Variants in P3H2 observed in about 807,000 individuals in gnomAD.
P3H2 encodes the protein leprecan-like 1.
Under a neutral mutation model 87.0 loss-of-function variants are expected in P3H2, and 80 were observed. That is an observed-to-expected ratio of 0.92 (90% CI 0.77 to 1.11). The LOEUF is 1.11. Among genes scored for constraint, P3H2 ranks in the 50% least tolerant of loss-of-function variants. P3H2 has a pLI of 0.00. For synonymous variants in P3H2, 367 were observed against 359.3 expected (o/e 1.02, Z -0.24); for missense variants, 1,001 against 923.9 (o/e 1.08, Z -1.08).
chr3:190,004,580 C>T (rs974938581), intron 1 of P3H2, among the ~76,000 whole-genome samples: 10 of 151,990 alleles, frequency 6.6e-5, no homozygotes, highest in Non-Finnish European at 1.5e-4. Context: ...GACGGGGTTT[C>T]ACCGTCTTAG....
chr3:190,058,282 C>T (rs1017095254), intron 1 of P3H2, among the ~76,000 whole-genome samples: 7 of 152,146 alleles, frequency 4.6e-5, no homozygotes, highest in East Asian at 1.9e-4. Context: ...TACCCTCTCT[C>T]GTGTAAGTAG....
chr3:189,985,350 T>C (rs896379682), intron 6 of P3H2, among the ~76,000 whole-genome samples: 1 of 151,596 alleles, frequency 6.6e-6, no homozygotes, highest in African/African-American at 2.4e-5. Context: ...CAAGTTAAAA[T>C]GATGTATTAT....
chr3:190,119,516 AGGCAAGTTAGGCATACAAAAAT>A (rs1259060208), intron 1 of P3H2, among the ~76,000 whole-genome samples: 6 of 152,184 alleles, frequency 3.9e-5, no homozygotes, highest in African/African-American at 1.2e-4. Flanking sequence ...CGCTAACTTT[AGGCAAGTTAGGCATACAAAAAT>A]AAAACTAGAA....
intron 11 of P3H2, among the ~76,000 whole-genome samples, chr3:189,972,666 T>C (rs1227307180): frequency 6.6e-6 from 1 of 152,102 alleles, no homozygotes; most frequent in African/African-American, 2.4e-5. Context: ...GAAGGGAAAA[T>C]GTTCAGAACG....
chr3:190,105,980 T>C lies in P3H2; in HGVS notation c.480+14272A>G, dbSNP rs560800700. Among the ~76,000 whole-genome samples, 7 of 152,344 alleles carry C rather than the reference T, an allele frequency of 4.6e-5. No homozygotes were observed. The South Asian group carries it at 1.5e-3, about 32-fold the overall frequency. ...CAAAAAGCAGTTTCATTTTGGTGTC[T>C]ATGATGAAGAAATGTTTGTTGATTC... On this transcript the variant is annotated intron_variant, in intron 1 of 14. Coordinates refer to ENST00000319332, the MANE Select transcript of P3H2 (RefSeq NM_018192.4).
intron 6 of P3H2, among the ~76,000 whole-genome samples, chr3:189,985,371 A>G (rs565901510): frequency 6.6e-6 from 1 of 151,664 alleles, no homozygotes; most frequent in African/African-American, 2.4e-5. Flanking sequence ...TTCATACATA[A>G]TATATAAATA....
chr3:190,040,453 C>T (rs1265083359), intron 1 of P3H2, among the ~76,000 whole-genome samples: 3 of 152,222 alleles, frequency 2.0e-5, no homozygotes, highest in African/African-American at 4.8e-5. Context: ...AGTCAAGACA[C>T]GAGAACACCA....
At position 190,092,087 on chromosome 3, in the gene P3H2, C is replaced by T. The variant is rs1369510996; in HGVS notation, c.480+28165G>A. Among the ~76,000 whole-genome samples, 3 of 151,994 alleles carry T rather than the reference C, an allele frequency of 2.0e-5. No homozygotes were observed. The South Asian group carries it at 6.2e-4, about 32-fold the overall frequency. ...GTCTCCACTAAAAATACAAAAATTA[C>T]CCGGACATGGTGGTGGACACCTGTA... On this transcript the variant is annotated intron_variant, in intron 1 of 14. Coordinates refer to ENST00000319332, the MANE Select transcript of P3H2 (RefSeq NM_018192.4).
intron 1 of P3H2, among the ~76,000 whole-genome samples, chr3:190,055,092 T>C (rs1726108264): frequency 6.6e-6 from 1 of 152,090 alleles, no homozygotes; most frequent in Non-Finnish European, 1.5e-5. Flanking sequence ...AACAGGAGAC[T>C]CCCCCGTCTT....
chr3:189,973,362 T>C (rs917540134), intron 10 of P3H2, among the ~76,000 whole-genome samples: 1 of 152,140 alleles, frequency 6.6e-6, no homozygotes, highest in African/African-American at 2.4e-5. Flanking sequence ...AGGGATTGTA[T>C]GTATTTTTTG....
intron 13 of P3H2, chr3:189,969,232 T>C: frequency 1.3e-6 from 1 of 762,806 alleles, no homozygotes; most frequent in East Asian, 2.6e-5. Context: ...AATACTCGCA[T>C]AACAAATTCC....
intron 1 of P3H2, among the ~76,000 whole-genome samples, chr3:190,090,545 T>C (rs553708135): frequency 1.3e-5 from 2 of 151,970 alleles, no homozygotes; most frequent in Admixed American, 6.5e-5. Context: ...CTACTAAAAA[T>C]ACAAAAAATT....
intron 1 of P3H2, among the ~76,000 whole-genome samples, chr3:190,078,920 AG>A (rs1417287515): frequency 6.6e-6 from 1 of 152,142 alleles, no homozygotes; most frequent in Non-Finnish European, 1.5e-5. Context: ...GGAGGGTGAA[AG>A]GACTGTTTAC....
chr3:190,024,340 C>A (rs1001907331), intron 1 of P3H2, among the ~76,000 whole-genome samples: 1 of 151,662 alleles, frequency 6.6e-6, no homozygotes, highest in Non-Finnish European at 1.5e-5. Flanking sequence ...AGTTCGAGAC[C>A]AGCGTGTCCA....
intron 8 of P3H2, among the ~76,000 whole-genome samples, chr3:189,981,712 C>T (rs1723540164): frequency 6.6e-6 from 1 of 152,144 alleles, no homozygotes; most frequent in Admixed American, 6.5e-5. Flanking sequence ...GAAAAAAATG[C>T]TTTGAAATTT....
intron 1 of P3H2, among the ~76,000 whole-genome samples, chr3:190,097,315 C>A (rs1011013731): frequency 6.6e-6 from 1 of 152,092 alleles, no homozygotes; most frequent in African/African-American, 2.4e-5. Context: ...CCAAAAAAAC[C>A]GCTATGATTT....
At chr3:189,984,631 T>C in intron 6 of P3H2, 41 bp from the exon 7 acceptor site, 1 of 1,352,074 alleles carries the variant, frequency 7.4e-7, no homozygotes, top group Non-Finnish European at 1.1e-6. Flanking sequence ...AGTAATTTTG[T>C]CACTAAAACA....
intron 4 of P3H2, 147 bp from the exon 5 acceptor site, chr3:189,987,816 C>T (rs570280231): frequency 9.3e-6 from 8 of 862,066 alleles, no homozygotes; most frequent in South Asian, 1.5e-5. Flanking sequence ...AAAGCAGAAA[C>T]AGTCACAGAT....
intron 14 of P3H2, among the ~76,000 whole-genome samples, chr3:189,960,933 G>A (rs1417420510): frequency 6.7e-6 from 1 of 149,144 alleles, no homozygotes; most frequent in East Asian, 2.0e-4. Context: ...ACAAATATAA[G>A]GAAAACAATC....
Sources: allele counts gnomAD v4.1 joint callset (sites outside exome capture counted in the v4.1 genomes callset), GRCh38; gene constraint gnomAD v4.1.1; transcripts MANE v1.5; gene names NCBI Gene and HGNC (gene_info 2026-07-23, HGNC 2026-07-21).